The following HSF2BP variants were observed in gnomAD, a reference collection of about 807,000 sequenced individuals.
HSF2BP encodes heat shock factor 2-binding protein.
Under a neutral mutation model 35.0 loss-of-function variants are expected in HSF2BP, and 35 were observed. That is an observed-to-expected ratio of 1.00 (90% CI 0.76 to 1.32). The LOEUF is 1.32. Among genes scored for constraint, HSF2BP ranks in the 40% most tolerant of loss-of-function variants. The probability of loss-of-function intolerance (pLI) is 0.00; values close to 1 mark genes in which losing one functional copy is unlikely to be tolerated. For synonymous variants in HSF2BP, 114 were observed against 117.4 expected, an observed-to-expected ratio of 0.97 and a Z score of 0.18; for missense variants, 326 against 321.7, an observed-to-expected ratio of 1.01 and a Z score of -0.10.
intron 3 of HSF2BP, among the ~76,000 whole-genome samples, chr21:43,654,187 T>C (rs1040425436): frequency 1.9e-4 from 29 of 152,216 alleles, no homozygotes; most frequent in Non-Finnish European, 4.4e-5. Context: ...TGCTAACTTC[T>C]TATTCACTGA....
intron 7 of HSF2BP, among the ~76,000 whole-genome samples, chr21:43,604,431 CCACA>C (rs1291511026): frequency 2.2e-5 from 3 of 135,984 alleles, no homozygotes; most frequent in African/African-American, 5.7e-5. Context: ...ACACACCACA[CCACA>C]CACACACCAC....
intron 7 of HSF2BP, among the ~76,000 whole-genome samples, chr21:43,601,170 A>C (rs970369903): frequency 1.1e-4 from 17 of 152,040 alleles, no homozygotes; most frequent in African/African-American, 4.1e-4. Flanking sequence ...GCAGACGGGG[A>C]CTCTGTCCTC....
chr21:43,642,786 GCTT>G (rs1230443767), intron 4 of HSF2BP, among the ~76,000 whole-genome samples: 4 of 141,030 alleles, frequency 2.8e-5, no homozygotes, highest in South Asian at 4.4e-4. Context: ...TACTGGAATG[GCTT>G]CTTTTCTTTT....
chr21:43,614,796 A>G (rs1414502030), intron 6 of HSF2BP, among the ~76,000 whole-genome samples: 1 of 152,100 alleles, frequency 6.6e-6, no homozygotes, highest in Non-Finnish European at 1.5e-5. Context: ...AATCCAAAAC[A>G]CTTCTGGTCC....
chr21:43,634,870 T>C (rs966841251), intron 4 of HSF2BP, among the ~76,000 whole-genome samples: 3 of 152,204 alleles, frequency 2.0e-5, no homozygotes, highest in Admixed American at 2.0e-4. Context: ...TGAAGAAAAC[T>C]ATGTCACAGC....
At chr21:43,582,345 C>G (rs2081762566) in intron 8 of HSF2BP, among the ~76,000 whole-genome samples, 1 of 112,078 alleles carries the variant, frequency 8.9e-6, no homozygotes, top group African/African-American at 4.1e-5. Context: ...TGAGGGCCGG[C>G]TGAGGGAGAT....
At chr21:43,617,670 G>T (rs1457742199) in intron 6 of HSF2BP, among the ~76,000 whole-genome samples, 1 of 151,832 alleles carries the variant, frequency 6.6e-6, no homozygotes, top group Non-Finnish European at 1.5e-5. Context: ...TTCAAGAAAT[G>T]GGGCCAGGTA....
At chr21:43,584,237 G>A (rs2081816291) in intron 8 of HSF2BP, among the ~76,000 whole-genome samples, 1 of 152,124 alleles carries the variant, frequency 6.6e-6, no homozygotes, top group Non-Finnish European at 1.5e-5. Context: ...GACCTGATGA[G>A]GGAGATGAGG....
At chr21:43,649,304 G>A (rs1229413699) in intron 3 of HSF2BP, among the ~76,000 whole-genome samples, 2 of 151,722 alleles carry the variant, frequency 1.3e-5, no homozygotes, top group African/African-American at 4.8e-5. Flanking sequence ...ATGATGGCGC[G>A]CACCTGTAGT....
Position 43,643,847 on chromosome 21 carries a change from C to T in HSF2BP, c.291+442G>A, listed in dbSNP as rs192755078. On this transcript the variant is annotated intron_variant, in intron 4 of 8. Transcript: ENST00000291560. ...GTGGCGGCCACCTGTCCCATCTACTCGGGAGGCTGAGGCAGGGGAATGGCG... is the reference window on the plus strand; with the variant it reads ...GTGGCGGCCACCTGTCCCATCTACTTGGGAGGCTGAGGCAGGGGAATGGCG... Among the ~76,000 whole-genome samples, 166 of 151,708 alleles carry T rather than the reference C, an allele frequency of 1.1e-3. 1 individual carries two copies. The highest frequency in any genetic ancestry group is 3.4e-3 in the Middle Eastern group (1 of 294).
rs969133451 is a variant in HSF2BP, at chr21:43,623,217, C to T, written c.574+7105G>A. Among the ~76,000 whole-genome samples the T allele has an allele frequency of 3.3e-5, 5 of 151,926 alleles. No individual in the cohort carries two copies. In the East Asian group the frequency reaches 5.8e-4, roughly 18 times the overall value. ...CAACATACACCTGAACAACCAAATG[C>T]GTCAATGAAAAAATTGGGAAGAAAT... On this transcript the variant is annotated intron_variant, in intron 6 of 8. Transcript: ENST00000291560.
At chr21:43,657,516 C>T (rs1324060131) in intron 2 of HSF2BP, among the ~76,000 whole-genome samples, 1 of 152,158 alleles carries the variant, frequency 6.6e-6, no homozygotes, top group Admixed American at 6.5e-5. Context: ...TACTATTCAC[C>T]CCAAGCCTCC....
At chr21:43,573,550 C>A (rs1355559533) in intron 8 of HSF2BP, among the ~76,000 whole-genome samples, 1 of 152,182 alleles carries the variant, frequency 6.6e-6, no homozygotes, top group Non-Finnish European at 1.5e-5. Flanking sequence ...AAGGCCAGAC[C>A]AAAACACCTT....
chr21:43,635,928 C>CAAAAA (rs33999944), intron 4 of HSF2BP, among the ~76,000 whole-genome samples: 2 of 71,094 alleles, frequency 2.8e-5, no homozygotes, highest in Admixed American at 1.9e-4. Context: ...GACTCCATCT[C>CAAAAA]AAAAAAAAAA....
intron 7 of HSF2BP, among the ~76,000 whole-genome samples, chr21:43,595,537 G>A (rs1302950488): frequency 1.3e-5 from 2 of 151,630 alleles, no homozygotes; most frequent in East Asian, 3.9e-4. Flanking sequence ...ACGCCCCTGT[G>A]GTCCCAGCTA....
chr21:43,593,553 T>C (rs1174858149), intron 7 of HSF2BP, among the ~76,000 whole-genome samples: 1 of 152,128 alleles, frequency 6.6e-6, no homozygotes, highest in Non-Finnish European at 1.5e-5. Context: ...CTGCAGAATA[T>C]AAAACTGGTA....
At chr21:43,612,147 T>A (rs895589346) in intron 7 of HSF2BP, among the ~76,000 whole-genome samples, 11 of 152,202 alleles carry the variant, frequency 7.2e-5, no homozygotes, top group Non-Finnish European at 1.5e-5. Flanking sequence ...AGGGGTTGAC[T>A]GCCTGTGAAA....
chr21:43,604,646 C>CCA (rs369649578), intron 7 of HSF2BP, among the ~76,000 whole-genome samples: 109 of 144,980 alleles, frequency 7.5e-4, no homozygotes, highest in African/African-American at 9.9e-4. Context: ...AGCACACACA[C>CCA]CACACACACA....
chr21:43,577,882 C>T (rs936374633), intron 8 of HSF2BP, among the ~76,000 whole-genome samples: 2 of 152,084 alleles, frequency 1.3e-5, no homozygotes, highest in East Asian at 1.9e-4. Context: ...TGTGATATTC[C>T]CCTGCCCTTA....
Sources: gnomAD v4.1 joint callset for allele counts (sites outside exome capture counted in the v4.1 genomes callset) on GRCh38, gnomAD v4.1.1 for gene constraint, MANE v1.5 for transcripts, NCBI Gene and HGNC (gene_info 2026-07-23, HGNC 2026-07-21) for gene names.